The following SCUBE1 variants were observed in gnomAD, a reference collection of about 807,000 sequenced individuals.
The protein encoded by SCUBE1 is signal peptide, CUB and EGF-like domain-containing protein 1.
Under a neutral mutation model 124.4 loss-of-function variants are expected in SCUBE1, and 59 were observed. That is an observed-to-expected ratio of 0.47 (90% CI 0.38 to 0.59). The LOEUF (loss-of-function observed/expected upper bound fraction) is 0.59. SCUBE1 is among the 20% of genes least tolerant of loss of function. The pLI is 0.00. For synonymous variants in SCUBE1, 545 were observed against 550.9 expected (o/e 0.99, Z 0.15); for missense variants, 1,150 against 1,371.2 (o/e 0.84, Z 2.55).
intron 4 of SCUBE1, among the ~76,000 whole-genome samples, chr22:43,273,605 C>G (rs1924380997): frequency 8.7e-6 from 1 of 115,136 alleles, no homozygotes; most frequent in Admixed American, 1.2e-4. Context: ...TCTCACTCTG[C>G]CGCCCAGGCT....
chr22:43,264,156 G>A, intron 4 of SCUBE1, among the ~76,000 whole-genome samples: 1 of 152,344 alleles, frequency 6.6e-6, no homozygotes, highest in East Asian at 1.9e-4. Flanking sequence ...CTCACAAGCT[G>A]AGACAAGCCA....
intron 5 of SCUBE1, among the ~76,000 whole-genome samples, chr22:43,261,294 C>T (rs565763311): frequency 4.7e-4 from 71 of 152,322 alleles, no homozygotes; most frequent in Middle Eastern, 3.4e-3. Context: ...CACTTCCAAT[C>T]GAGACTGCCC....
intron 1 of SCUBE1, among the ~76,000 whole-genome samples, chr22:43,342,599 C>T (rs2146809762): frequency 6.6e-6 from 1 of 152,068 alleles, no homozygotes; most frequent in Middle Eastern, 3.4e-3. Flanking sequence ...CTCTTGATTC[C>T]CCCTGATCCA....
intron 4 of SCUBE1, among the ~76,000 whole-genome samples, chr22:43,276,981 G>A (rs1174849203): frequency 6.6e-6 from 1 of 152,194 alleles, no homozygotes; most frequent in African/African-American, 2.4e-5. Flanking sequence ...GGGGGCCAGC[G>A]GGTCCTTGTG....
At chr22:43,222,517 G>T in intron 12 of SCUBE1, 121 bp downstream of exon 12, 1 of 765,470 alleles carries the variant, frequency 1.3e-6, no homozygotes, top group Non-Finnish European at 2.1e-6. Flanking sequence ...AGGCCACACG[G>T]AGCAGGGCCG....
intron 4 of SCUBE1, among the ~76,000 whole-genome samples, chr22:43,290,465 C>T (rs1288716319): frequency 2.0e-5 from 3 of 152,256 alleles, no homozygotes; most frequent in African/African-American, 7.2e-5. Flanking sequence ...GGCTGGTGGC[C>T]AGGCTCCACT....
chr22:43,269,138 G>T (rs531748377), intron 4 of SCUBE1, among the ~76,000 whole-genome samples: 97 of 152,264 alleles, frequency 6.4e-4, no homozygotes, highest in African/African-American at 2.3e-3. Flanking sequence ...TTGGGACAGC[G>T]TCGGGGAAGA....
chr22:43,268,671 C>T (rs924156551), intron 4 of SCUBE1, among the ~76,000 whole-genome samples: 18 of 152,232 alleles, frequency 1.2e-4, no homozygotes, highest in Admixed American at 2.0e-4. Flanking sequence ...TAGAATTGGA[C>T]AGTAGTAGCG....
At chr22:43,283,634 C>T (rs1261769430) in intron 4 of SCUBE1, 1 of 152,152 alleles carries the variant, frequency 6.6e-6, no homozygotes, top group Non-Finnish European at 1.5e-5. Context: ...TGATGTGGAT[C>T]CGTATGTCAT....
At chr22:43,314,573 G>GACCC (rs1926279708) in intron 3 of SCUBE1, among the ~76,000 whole-genome samples, 1 of 152,142 alleles carries the variant, frequency 6.6e-6, no homozygotes, top group Non-Finnish European at 1.5e-5. Flanking sequence ...TACATGCTGG[G>GACCC]TATTTAGGAC....
chr22:43,205,692 C>T (rs577743963), intron 21 of SCUBE1, among the ~76,000 whole-genome samples: 13 of 120,560 alleles, frequency 1.1e-4, no homozygotes, highest in African/African-American at 3.6e-4. Flanking sequence ...CACTCACCCC[C>T]ACACACACCA....
chr22:43,203,354 A>G lies in SCUBE1; in HGVS notation c.*643T>C. The G allele has an allele frequency of 6.7e-6, 1 of 148,814 alleles. No homozygotes were observed. The highest frequency in any genetic ancestry group is 1.5e-5 in the Non-Finnish European group (1 of 67,408). 9.2% of individuals were successfully genotyped at this position (148,814 alleles called of 1,614,324 possible). ...GGGCATTTTCCTAAAGTACCCACAA[A>G]TAGAAGTATATATATATATTTATAT... On this transcript the variant is annotated 3_prime_UTR_variant, in exon 22 of 22. Transcript: ENST00000360835.
chr22:43,225,309 G>A (rs986171348), intron 10 of SCUBE1, among the ~76,000 whole-genome samples: 4 of 152,102 alleles, frequency 2.6e-5, no homozygotes, highest in African/African-American at 9.7e-5. Flanking sequence ...GAGCTATGCT[G>A]AGTGCTGAAG....
At chr22:43,311,764 A>AT (rs1275543420) in intron 3 of SCUBE1, among the ~76,000 whole-genome samples, 1 of 151,984 alleles carries the variant, frequency 6.6e-6, no homozygotes, top group Non-Finnish European at 1.5e-5. Context: ...AGAGTTGTGA[A>AT]TATTTCTGGC....
At position 43,255,676 on chromosome 22, in the gene SCUBE1, G is replaced by A; in HGVS notation, c.727+2543C>T. The A allele has an allele frequency of 9.6e-7, 1 of 1,041,354 alleles. No homozygotes were observed. Among genetic ancestry groups the A allele is most frequent in the Admixed American group, 2.0e-5 (1 of 49,712 alleles). The allele number at this position is 1,041,354 out of a possible 1,614,324, so 64.5% of individuals were successfully genotyped here. A position where few individuals can be genotyped will look rare whatever the true frequency, so the allele number is the denominator to read the frequency against. ...AGCCTCTCGGCGTGGCGCACGCAAA[G>A]CCAACACAACACGCCGGCCAGCTCG... is the stretch of plus-strand genomic sequence containing the variant. On this transcript the variant is annotated intron_variant, in intron 6 of 21. Transcript: ENST00000360835. The surrounding 1 kb of genome is among the most constrained non-coding windows in gnomAD (Gnocchi z 4.7).
At chr22:43,281,985 C>G (rs979793416) in intron 4 of SCUBE1, 3 of 152,524 alleles carry the variant, frequency 2.0e-5, no homozygotes, top group African/African-American at 7.2e-5. Flanking sequence ...CCGGAACAAG[C>G]TGGAATCTTC....
Position 43,218,238 on chromosome 22 carries a change from C to T in SCUBE1, c.1891+17G>A. Reference sequence around the variant, plus strand: ...AGGACAGAGTCAGCATCTGAGTGGCCATGGGCAAGGACTCACCGCATTTGC... The same window carrying T: ...AGGACAGAGTCAGCATCTGAGTGGCTATGGGCAAGGACTCACCGCATTTGC... On this transcript the variant is annotated intron_variant, in intron 15 of 21. Transcript: ENST00000360835. 6.2e-7 allele frequency: 1 copy of T among 1,611,494 alleles called. No individual in the cohort carries two copies. The highest frequency in any genetic ancestry group is 8.5e-7 in the Non-Finnish European group (1 of 1,179,076).
chr22:43,213,875 C>T (rs150271404), intron 16 of SCUBE1, among the ~76,000 whole-genome samples: 7 of 152,242 alleles, frequency 4.6e-5, no homozygotes, highest in East Asian at 3.9e-4. Flanking sequence ...TAGTGCAGGC[C>T]GGGACTGCTG....
At chr22:43,267,390 C>G (rs963069545) in intron 4 of SCUBE1, among the ~76,000 whole-genome samples, 3 of 152,134 alleles carry the variant, frequency 2.0e-5, no homozygotes, top group Non-Finnish European at 4.4e-5. Context: ...ACAGATGAAG[C>G]GGGTTGTCTG....
Sources: gnomAD v4.1 joint callset for allele counts (sites outside exome capture counted in the v4.1 genomes callset) on GRCh38, gnomAD v4.1.1 for gene constraint, Gnocchi (gnomAD v3.1) non-coding constraint, MANE v1.5 for transcripts, NCBI Gene and HGNC (gene_info 2026-07-23, HGNC 2026-07-21) for gene names.